The following PHKA2 variants were observed in gnomAD, a reference collection of about 807,000 sequenced individuals.
The protein encoded by PHKA2 is phosphorylase b kinase regulatory subunit alpha, liver isoform.
PHKA2 carries 31 observed loss-of-function variants against 102.0 expected under a neutral mutation model. The observed-to-expected ratio is 0.30, with a 90% CI of 0.23 to 0.41. The LOEUF is 0.41. PHKA2 is among the 10% of genes least tolerant of loss of function. PHKA2 has a pLI of 1.00. For synonymous variants in PHKA2, 455 were observed against 416.2 expected, an observed-to-expected ratio of 1.09 and a Z score of -1.13; for missense variants, 858 against 1,023.1, an observed-to-expected ratio of 0.84 and a Z score of 2.20.
intron 1 of PHKA2, among the ~76,000 whole-genome samples, chrX:18,978,888 C>A (rs758658567): frequency 7.2e-5 from 8 of 111,090 alleles, no homozygotes; most frequent in Non-Finnish European, 1.9e-5. Context: ...ACCTGTAATC[C>A]CAGCACTTTG....
chrX:18,934,858 G>T, intron 11 of PHKA2, among the ~76,000 whole-genome samples: 1 of 110,581 alleles, frequency 9.0e-6, no homozygotes. Flanking sequence ...GTGGCAGCAA[G>T]GCCCTGAACC....
intron 19 of PHKA2, among the ~76,000 whole-genome samples, chrX:18,915,696 C>T (rs1010224797): frequency 6.4e-5 from 7 of 110,223 alleles, no homozygotes; most frequent in Middle Eastern, 4.6e-3. Context: ...ATATTGTAAA[C>T]GTGAAACAAA....
chrX:18,960,905 C>T lies in PHKA2; in HGVS notation c.79-6493G>A, dbSNP rs183865474. On this transcript the variant is annotated intron_variant, in intron 1 of 32. Transcript: ENST00000379942. Reference sequence around the variant, plus strand: ...AGAACAGAGTCTAGAAATAGATCCACATGAATAGGGCAAACTGATTTTTGA... The same window carrying T: ...AGAACAGAGTCTAGAAATAGATCCATATGAATAGGGCAAACTGATTTTTGA... Among the ~76,000 whole-genome samples, 174 of 112,553 alleles carry T rather than the reference C, an allele frequency of 1.5e-3. 1 individual carries two copies. The highest frequency in any genetic ancestry group is 5.4e-3 in the African/African-American group (167 of 30,977).
Position 18,912,346 on chromosome X carries a change from C to A in PHKA2, c.2138-1386G>T, listed in dbSNP as rs2047940688. On this transcript the variant is annotated intron_variant, in intron 19 of 32. Coordinates refer to ENST00000379942, the MANE Select transcript of PHKA2 (RefSeq NM_000292.3). The stretch of plus-strand genomic sequence containing the variant: ...CCTAGATGGTACAGCCTACTACACA[C>A]CTAGGTTGGATGATAGAGGCTATTG... Among the ~76,000 whole-genome samples the A allele has an allele frequency of 2.7e-5, 3 of 112,180 alleles. No individual in the cohort carries two copies. In the South Asian group the frequency reaches 1.1e-3, roughly 41 times the overall value.
chrX:18,926,322 G>A lies in PHKA2; in HGVS notation c.1459+131C>T, dbSNP rs781299391. 8 of 584,536 alleles carry A rather than the reference G, an allele frequency of 1.4e-5. No homozygotes were observed. The East Asian group carries it at 1.6e-4, about 12-fold the overall frequency. The allele number at this position is 584,536 out of a possible 1,213,427, so 48.2% of individuals were successfully genotyped here. ...TGCCCGTTCCTCTTCACATCGAAGCGGTGGAACCGCCTGCTTTAGTTTTTG... is the reference window on the plus strand; with the variant it reads ...TGCCCGTTCCTCTTCACATCGAAGCAGTGGAACCGCCTGCTTTAGTTTTTG... On this transcript the variant is annotated intron_variant, in intron 14 of 32. Coordinates refer to ENST00000379942, the MANE Select transcript of PHKA2 (RefSeq NM_000292.3).
intron 7 of PHKA2, among the ~76,000 whole-genome samples, 159 bp downstream of exon 7, chrX:18,943,551 G>C (rs1437748754): frequency 8.9e-6 from 1 of 112,265 alleles, no homozygotes; most frequent in Non-Finnish European, 1.9e-5. Flanking sequence ...TAGCTTGTGA[G>C]GCCAGAGGGT....
intron 17 of PHKA2, among the ~76,000 whole-genome samples, chrX:18,922,320 G>C (rs757040377): frequency 2.7e-5 from 3 of 112,362 alleles, no homozygotes; most frequent in African/African-American, 9.7e-5. Flanking sequence ...ATGATGCCAT[G>C]CACCAGGTGG....
rs181609896 is a variant in PHKA2 at position 18,893,177 on chromosome X, A to G, written c.*308T>C. 1.3e-4 allele frequency: 48 copies of G among 357,058 alleles called. 1 individual carries two copies. The highest frequency in any genetic ancestry group is 7.9e-4 in the East Asian group (15 of 19,039). 29.4% of individuals were successfully genotyped at this position (357,058 alleles called of 1,213,427 possible). On this transcript the variant is annotated 3_prime_UTR_variant, in exon 33 of 33. Transcript: ENST00000379942. ...GCGTCTCAGTTCCCTCTGCACTCAA[A>G]AGAGACCAATTTCCAATTCCTCCTC...
intron 7 of PHKA2, 106 bp from the exon 8 acceptor site, chrX:18,941,781 A>G: frequency 3.4e-6 from 2 of 587,119 alleles, no homozygotes; most frequent in Non-Finnish European, 6.0e-6. Flanking sequence ...ACGGTTGCCA[A>G]TTTTGAGTAG....
chrX:18,908,052 G>A lies in PHKA2; in HGVS notation c.2365C>T (p.Pro789Ser), dbSNP rs138395800. 146 of 1,208,972 alleles carry A rather than the reference G, an allele frequency of 1.2e-4. No individual in the cohort carries two copies. In the African/African-American group the frequency reaches 2.3e-3, roughly 19 times the overall value. ...ILYILYVIKG[P>S]SWDTNLSGQH... ...CCAGAGAGATTTGTGTCCCAGCTGG[G>A]ACCCCTGCCAAGAGGTAGAAAAACC... Residue 789 changes from proline to serine, a missense_variant, in exon 22 of 33, where the codon CCC (proline) becomes TCC (serine). Physicochemically the swap from Pro to Ser is moderately conservative, Grantham distance 74. This residue lies in a region of PHKA2 where 671 missense variants were observed against 745.2 expected (regional missense o/e 0.90). Coordinates refer to ENST00000379942, the MANE Select transcript of PHKA2 (RefSeq NM_000292.3).
Position 18,895,209 on chromosome X carries a change from C to G in PHKA2, c.3283-18G>C. ...CCGTGGCACTGGAGGCAGAATAGAG[C>G]GCATTTCAGTCAGATTCCAGAATGG... On this transcript the variant is annotated intron_variant, in intron 30 of 32. Transcript: ENST00000379942. The G allele has an allele frequency of 8.3e-7, 1 of 1,203,014 alleles. No individual in the cohort carries two copies.
intron 1 of PHKA2, among the ~76,000 whole-genome samples, chrX:18,969,159 A>C (rs2048985216): frequency 9.0e-6 from 1 of 111,604 alleles, no homozygotes; most frequent in Admixed American, 9.5e-5. Flanking sequence ...ATTTCAATTC[A>C]AAGTTTAAAT....
intron 20 of PHKA2, among the ~76,000 whole-genome samples, chrX:18,910,209 G>A (rs1341197582): frequency 3.5e-5 from 4 of 112,846 alleles, no homozygotes; most frequent in Non-Finnish European, 7.5e-5. Flanking sequence ...GCCAGGTGCA[G>A]TGGCTTGCGC....
chrX:18,913,509 G>A (rs1052434032), intron 19 of PHKA2, among the ~76,000 whole-genome samples: 11 of 108,877 alleles, frequency 1.0e-4, no homozygotes, highest in African/African-American at 3.0e-4. Flanking sequence ...TGGTTCAAGC[G>A]ACTCTCCCAC....
chrX:18,916,567 G>A lies in PHKA2; in HGVS notation c.2137+2114C>T, dbSNP rs1361349042. Reference sequence around the variant, plus strand: ...TGGATCATGGGGGTGGGTCCCTCATGAATGGCTTGGGCCATCCCCTTGGTG... The same window carrying A: ...TGGATCATGGGGGTGGGTCCCTCATAAATGGCTTGGGCCATCCCCTTGGTG... On this transcript the variant is annotated intron_variant, in intron 19 of 32. Transcript: ENST00000379942. Among the ~76,000 whole-genome samples, 3 of 112,374 alleles carry A rather than the reference G, an allele frequency of 2.7e-5. No individual in the cohort carries two copies. The East Asian group carries it at 8.5e-4, about 32-fold the overall frequency.
In PHKA2 at chrX:18,892,710, C is replaced by CTA. The variant is rs1482684419; in HGVS notation, c.*774_*775insTA. 9.0e-6 allele frequency: 1 copy of CTA among 111,201 alleles called. No homozygotes were observed. The allele number at this position is 111,201 out of a possible 1,213,427, so 9.2% of individuals were successfully genotyped here. On this transcript the variant is annotated 3_prime_UTR_variant, in exon 33 of 33. Transcript: ENST00000379942. ...CGGGGACAACAGGTCTAGCCCTAAA[C>CTA]AACTGCTTGCCTGGCTATAAGAGGA...
chrX:18,962,631 A>T (rs2048885542), intron 1 of PHKA2, among the ~76,000 whole-genome samples: 1 of 111,847 alleles, frequency 8.9e-6, no homozygotes, highest in African/African-American at 3.3e-5. Flanking sequence ...CCAGTCTACT[A>T]AACCCATCTT....
chrX:18,975,296 G>A (rs1323736704), intron 1 of PHKA2, among the ~76,000 whole-genome samples: 1 of 111,356 alleles, frequency 9.0e-6, no homozygotes. Flanking sequence ...TAAGTCTCAC[G>A]GGATCTGATG....
At position 18,928,128 on chromosome X, in the gene PHKA2, T is replaced by G. The variant is rs765614155; in HGVS notation, c.1324+1100A>C. 3.6e-5 allele frequency among the ~76,000 whole-genome samples: 4 copies of G among 112,420 alleles called. No individual in the cohort carries two copies. The East Asian group carries it at 1.1e-3, about 32-fold the overall frequency. On this transcript the variant is annotated intron_variant, in intron 13 of 32. Coordinates refer to ENST00000379942, the MANE Select transcript of PHKA2 (RefSeq NM_000292.3). Reference sequence around the variant, plus strand: ...ATGCTCTGGCTTAGCGCAGGCACAATGAGTCCAGCTGGATCAGTCCACCTG... The same window carrying G: ...ATGCTCTGGCTTAGCGCAGGCACAAGGAGTCCAGCTGGATCAGTCCACCTG...
Sources: allele counts gnomAD v4.1 joint callset (sites outside exome capture counted in the v4.1 genomes callset), GRCh38; gene constraint gnomAD v4.1.1; regional missense constraint gnomAD v4.1.1; transcripts MANE v1.5; gene names NCBI Gene and HGNC (gene_info 2026-07-23, HGNC 2026-07-21).